Variants in ZNF469 observed in about 807,000 individuals in gnomAD.
ZNF469 encodes zinc finger protein 469.
A neutral mutation model predicts 1.0 loss-of-function variants in ZNF469; 1 was observed. That is an observed-to-expected ratio of 1.00 (90% confidence interval 0.35 to 4.73). ZNF469 has a LOEUF of 4.73. Among genes scored for constraint, ZNF469 ranks in the 30% most tolerant of loss-of-function variants. ZNF469 has a pLI of 0.16. For synonymous variants in ZNF469, 2,703 were observed against 2,363.4 expected, an observed-to-expected ratio of 1.14 and a Z score of -4.17; for missense variants, 6,100 against 5,356.3, an observed-to-expected ratio of 1.14 and a Z score of -4.33.
upstream of ZNF469, among the ~76,000 whole-genome samples, chr16:88,378,235 G>A (rs1164263435): frequency 6.6e-6 from 1 of 152,186 alleles, no homozygotes; most frequent in Non-Finnish European, 1.5e-5. Context: ...GGCACACACG[G>A]CGGGCAGGGA....
At chr16:88,157,669 G>C in the ZNF469 span, among the ~76,000 whole-genome samples, 4 of 152,246 alleles carry the variant, frequency 2.6e-5, no homozygotes, top group African/African-American at 9.6e-5. Flanking sequence ...TTATTTGGTT[G>C]GATGTGGGGC....
intron 1 of ZNF469, among the ~76,000 whole-genome samples, chr16:88,388,200 T>A (rs1904388133): frequency 6.6e-6 from 1 of 152,234 alleles, no homozygotes; most frequent in African/African-American, 2.4e-5. Context: ...GAGGGAGCTG[T>A]GCCCAGGGCT....
At chr16:88,267,774 C>A in the ZNF469 span, among the ~76,000 whole-genome samples, 1 of 151,266 alleles carries the variant, frequency 6.6e-6, no homozygotes, top group African/African-American at 2.5e-5. Flanking sequence ...AGCAGGGACA[C>A]CGTGGCTGTT....
the ZNF469 span, among the ~76,000 whole-genome samples, chr16:88,372,386 T>TCAC: frequency 2.8e-5 from 4 of 140,932 alleles, no homozygotes; most frequent in Admixed American, 2.1e-4. Context: ...CCCATCATCA[T>TCAC]CACCATCACT....
At chr16:88,180,170 T>C in the ZNF469 span, among the ~76,000 whole-genome samples, 11 of 152,116 alleles carry the variant, frequency 7.2e-5, no homozygotes, top group African/African-American at 2.7e-4. Flanking sequence ...AACGGAAAAA[T>C]TATTTAAAAA....
chr16:88,360,854 T>C, the ZNF469 span, among the ~76,000 whole-genome samples: 1,413 of 152,138 alleles, frequency 9.3e-3, 26 homozygotes, highest in African/African-American at 0.031. Context: ...CCTGTTACAG[T>C]GATTCCCAAC....
the ZNF469 span, among the ~76,000 whole-genome samples, chr16:88,369,203 G>A: frequency 9.7e-4 from 148 of 152,162 alleles, no homozygotes; most frequent in African/African-American, 3.5e-3. Context: ...CTGAGCCATG[G>A]ATTCCCCTCG....
chr16:88,331,991 C>T, the ZNF469 span, among the ~76,000 whole-genome samples: 5 of 152,220 alleles, frequency 3.3e-5, no homozygotes, highest in African/African-American at 4.8e-5. Flanking sequence ...CCCAAGGCCA[C>T]TGTGCCAAGA....
the ZNF469 span, among the ~76,000 whole-genome samples, chr16:88,284,882 C>T: frequency 7.2e-5 from 11 of 152,274 alleles, no homozygotes; most frequent in Non-Finnish European, 1.5e-4. Flanking sequence ...TGTCCTCTAC[C>T]AGCTGGCACT....
chr16:88,142,535 G>T, the ZNF469 span, among the ~76,000 whole-genome samples: 3 of 152,222 alleles, frequency 2.0e-5, no homozygotes, highest in African/African-American at 7.2e-5. Context: ...GGACTGAGAA[G>T]GTCCTTATCA....
At chr16:88,196,650 TG>T in the ZNF469 span, among the ~76,000 whole-genome samples, 1 of 152,186 alleles carries the variant, frequency 6.6e-6, no homozygotes, top group African/African-American at 2.4e-5. Flanking sequence ...TTGGCTGCTG[TG>T]GGCCACTCAC....
rs1400914723 is a variant in ZNF469, at chr16:88,434,916, C to T, written c.7446C>T (p.Arg2482=). Residue 2482 remains arginine (R), a synonymous_variant, in exon 3 of 3, where the codon CGC becomes CGT. Coordinates refer to ENST00000565624, the MANE Select transcript of ZNF469 (RefSeq NM_001367624.2). ...VTCEVCAASF[R]SGPGLSRHKA... ...GTGAGGTCTGCGCAGCCTCCTTCCG[C>T]TCCGGGCCGGGCCTGAGCCGGCACA... 8.4e-6 allele frequency: 13 copies of T among 1,550,280 alleles called. No individual in the cohort carries two copies. Among genetic ancestry groups the T allele is most frequent in the Non-Finnish European group, 1.1e-5 (13 of 1,146,982 alleles).
the ZNF469 span, among the ~76,000 whole-genome samples, chr16:88,289,958 T>G: frequency 6.6e-6 from 1 of 152,204 alleles, no homozygotes; most frequent in Non-Finnish European, 1.5e-5. Flanking sequence ...GGACATTGTC[T>G]GGAGCCTGAG....
At chr16:88,189,461 G>A in the ZNF469 span, among the ~76,000 whole-genome samples, 1 of 152,206 alleles carries the variant, frequency 6.6e-6, no homozygotes, top group Admixed American at 6.5e-5. This position sits in a 1 kb window ranked among gnomAD's most constrained non-coding sequence, Gnocchi z 4.3. Flanking sequence ...GGACATGCGT[G>A]TCTGCATGCC....
At chr16:88,147,161 C>T in the ZNF469 span, among the ~76,000 whole-genome samples, 11 of 152,108 alleles carry the variant, frequency 7.2e-5, 1 homozygote, top group East Asian at 3.9e-4. Flanking sequence ...GACGAGGCCA[C>T]GGAGAGACTG....
At chr16:88,318,221 G>A in the ZNF469 span, among the ~76,000 whole-genome samples, 28 of 152,308 alleles carry the variant, frequency 1.8e-4, no homozygotes, top group Non-Finnish European at 3.1e-4. Flanking sequence ...TCCAGGGCGC[G>A]TTCCATGGAG....
chr16:88,297,635 C>A, the ZNF469 span, among the ~76,000 whole-genome samples: 4 of 152,106 alleles, frequency 2.6e-5, no homozygotes, highest in Non-Finnish European at 5.9e-5. Flanking sequence ...GTCTCCAGGG[C>A]CGGCATCTTC....
chr16:88,428,614 G>T lies in ZNF469; in HGVS notation c.1144G>T (p.Glu382Ter). 1 of 1,550,216 alleles carries T rather than the reference G, an allele frequency of 6.5e-7. No homozygotes were observed. The highest frequency in any genetic ancestry group is 8.7e-7 in the Non-Finnish European group (1 of 1,146,884). The change falls in exon 3 of 3, where the codon GAA (glutamate) becomes TAA (stop). Residue 382 changes from glutamate (E) to a stop codon, truncating the protein, a stop_gained. Transcript: ENST00000565624. LOFTEE classifies it low-confidence loss of function (END_TRUNC). ...LHKSLTKILP[E>*]RPPSAQDGLG... The stretch of plus-strand genomic sequence containing the variant: ...CAAGAGCCTGACCAAAATCCTTCCC[G>T]AAAGACCACCTTCAGCCCAGGATGG...
rs1906329870 is a variant in ZNF469 at position 88,433,279 on chromosome 16, C to T, written c.5809C>T (p.Pro1937Ser). Residue 1937 changes from proline (P) to serine (S), a missense_variant, in exon 3 of 3, where the codon CCC becomes TCC. By Grantham distance (74) the Pro-to-Ser change is moderately conservative (BLOSUM62 -1). Transcript: ENST00000565624. ...PAAQSPPRVN[P>S]SGLEGGTVEG... ...TGCCCAGAGCCCTCCACGAGTGAAC[C>T]CCTCAGGTCTGGAAGGGGGCACTGT... is the stretch of plus-strand genomic sequence containing the variant. 1 of 1,550,250 alleles carries T rather than the reference C, an allele frequency of 6.5e-7. No individual in the cohort carries two copies. Among genetic ancestry groups the T allele is most frequent in the African/African-American group, 1.4e-5 (1 of 73,058 alleles).
Sources: allele counts gnomAD v4.1 joint callset (sites outside exome capture counted in the v4.1 genomes callset), GRCh38; gene constraint gnomAD v4.1.1; non-coding constraint Gnocchi (gnomAD v3.1); transcripts MANE v1.5; gene names NCBI Gene and HGNC (gene_info 2026-07-23, HGNC 2026-07-21).